ABHD2: variants seen among roughly 807,000 people sequenced by gnomAD.
The protein encoded by ABHD2 is abhydrolase domain containing 2, acylglycerol lipase.
ABHD2 carries 20 observed loss-of-function variants against 48.1 expected under a neutral mutation model. The ratio of observed to expected loss-of-function variants is 0.42; its 90% CI spans 0.29 to 0.60. ABHD2 has a LOEUF of 0.60. ABHD2 is among the 20% of genes least tolerant of loss of function. The pLI is 0.24. For synonymous variants in ABHD2, 209 were observed against 214.2 expected, an observed-to-expected ratio of 0.98 and a Z score of 0.21; for missense variants, 405 against 550.9, an observed-to-expected ratio of 0.74 and a Z score of 2.65.
intron 1 of ABHD2, among the ~76,000 whole-genome samples, chr15:89,110,349 C>T (rs2049854366): frequency 6.6e-6 from 1 of 152,176 alleles, no homozygotes; most frequent in South Asian, 2.1e-4. Context: ...GCGTGAGTCC[C>T]CTGCACCCGG....
intron 5 of ABHD2, among the ~76,000 whole-genome samples, chr15:89,157,927 G>A (rs2050700889): frequency 6.6e-6 from 1 of 152,072 alleles, no homozygotes; most frequent in Non-Finnish European, 1.5e-5. Flanking sequence ...GTATGTGGGA[G>A]ACAGAATTGG....
rs2049744424 is a variant in ABHD2, at chr15:89,104,088, G to A, written c.-106-9637G>A. Reference sequence around the variant, plus strand: ...TAAGTAAAGCATGCCTCAAAATGCTGTGCACACTATGTACTGTTGCCCCCA... The same window carrying A: ...TAAGTAAAGCATGCCTCAAAATGCTATGCACACTATGTACTGTTGCCCCCA... On this transcript the variant is annotated intron_variant, in intron 1 of 10. Transcript: ENST00000352732. This position sits in a 1 kb window ranked among gnomAD's most constrained non-coding sequence, Gnocchi z 4.4. The A allele has an allele frequency of 6.6e-6, 1 of 152,194 alleles. No individual in the cohort carries two copies. Among genetic ancestry groups the A allele is most frequent in the Non-Finnish European group, 1.5e-5 (1 of 68,056 alleles). The allele number at this position is 152,194 out of a possible 1,614,324, so 9.4% of individuals were successfully genotyped here.
At chr15:89,117,191 A>C (rs928801764) in intron 3 of ABHD2, among the ~76,000 whole-genome samples, 2 of 152,078 alleles carry the variant, frequency 1.3e-5, no homozygotes, top group African/African-American at 4.8e-5. Flanking sequence ...ATGCCCGGCT[A>C]ATTTTTGTAT....
At chr15:89,115,640 T>A (rs1396886474) in intron 2 of ABHD2, among the ~76,000 whole-genome samples, 1 of 152,226 alleles carries the variant, frequency 6.6e-6, no homozygotes, top group East Asian at 1.9e-4. Flanking sequence ...AGCCGAGCTC[T>A]ATTTCATTCC....
chr15:89,126,476 C>T (rs776271530), intron 3 of ABHD2, among the ~76,000 whole-genome samples: 3 of 152,168 alleles, frequency 2.0e-5, no homozygotes, highest in Non-Finnish European at 2.9e-5. Flanking sequence ...CTAAGGATAG[C>T]CAACTTTTAT....
chr15:89,124,027 A>G (rs1374428612), intron 3 of ABHD2, among the ~76,000 whole-genome samples: 1 of 152,168 alleles, frequency 6.6e-6, no homozygotes, highest in Non-Finnish European at 1.5e-5. Context: ...TTTTTCTTTT[A>G]TCTGCCCCAA....
chr15:89,143,971 G>C (rs947876244), intron 3 of ABHD2, among the ~76,000 whole-genome samples: 1 of 152,082 alleles, frequency 6.6e-6, no homozygotes, highest in African/African-American at 2.4e-5. Context: ...AAAAAGTTTG[G>C]AGTATCCCCA....
rs150854086 is a variant in ABHD2, at chr15:89,103,668, A to G, written c.-106-10057A>G. Reference sequence around the variant, plus strand: ...AATAACTCCAGATGGCACTGGAGACAAGTAGTGTAGAGACACAAATGGGAT... The same window carrying G: ...AATAACTCCAGATGGCACTGGAGACGAGTAGTGTAGAGACACAAATGGGAT... On this transcript the variant is annotated intron_variant, in intron 1 of 10. Transcript: ENST00000352732. 2.2e-4 allele frequency among the ~76,000 whole-genome samples: 33 copies of G among 152,342 alleles called. No individual in the cohort carries two copies. In the East Asian group the frequency reaches 4.6e-3, roughly 21 times the overall value.
chr15:89,140,970 C>T (rs2050392997), intron 3 of ABHD2, among the ~76,000 whole-genome samples: 1 of 128,842 alleles, frequency 7.8e-6, no homozygotes, highest in Non-Finnish European at 1.8e-5. Flanking sequence ...AGTTTAGTTT[C>T]ACTTTTTTTT....
At chr15:89,081,789 T>G in the ABHD2 span, among the ~76,000 whole-genome samples, 1 of 152,060 alleles carries the variant, frequency 6.6e-6, no homozygotes, top group Non-Finnish European at 1.5e-5. Context: ...AGATGGAGGT[T>G]GCAGTGAGCC....
the ABHD2 span, among the ~76,000 whole-genome samples, chr15:89,057,409 G>T: frequency 6.6e-6 from 1 of 152,158 alleles, no homozygotes; most frequent in Admixed American, 6.5e-5. Context: ...TGAAGATGAG[G>T]TAGGGCAGGG....
chr15:89,114,890 A>T lies in ABHD2; in HGVS notation c.-7+1066A>T, dbSNP rs796339606. On this transcript the variant is annotated intron_variant, in intron 2 of 10. Coordinates refer to ENST00000352732, the MANE Select transcript of ABHD2 (RefSeq NM_152924.5). The surrounding 1 kb of genome is among the most constrained non-coding windows in gnomAD (Gnocchi z 4.2). ...AAATTGTGTCAGTAAGTTTTTAAAA[A>T]TCCTTGTCTTGCCCTGATGGTGGAA... 3.9e-5 allele frequency among the ~76,000 whole-genome samples: 6 copies of T among 152,314 alleles called. No individual in the cohort carries two copies. Among genetic ancestry groups the T allele is most frequent in the African/African-American group, 1.2e-4 (5 of 41,560 alleles).
chr15:89,190,722 G>T (rs1483779226), intron 8 of ABHD2, among the ~76,000 whole-genome samples: 1 of 152,142 alleles, frequency 6.6e-6, no homozygotes, highest in Non-Finnish European at 1.5e-5. Flanking sequence ...ATTGAGGAAG[G>T]CCCTGTCTTC....
At chr15:89,057,036 C>G in the ABHD2 span, among the ~76,000 whole-genome samples, 1 of 151,382 alleles carries the variant, frequency 6.6e-6, no homozygotes, top group Non-Finnish European at 1.5e-5. Flanking sequence ...GCCTCAGCCT[C>G]CTGAGTAGCT....
chr15:89,155,305 T>G lies in ABHD2; in HGVS notation c.371-62T>G. On this transcript the variant is annotated intron_variant, in intron 4 of 10. Coordinates refer to ENST00000352732, the MANE Select transcript of ABHD2 (RefSeq NM_152924.5). This position sits in a 1 kb window ranked among gnomAD's most constrained non-coding sequence, Gnocchi z 4.9. ...TGTTTTCTAGACCAGTGAAGTGTAA[T>G]TATGTCCATTTATCATGTCACATTT... 3 of 1,536,482 alleles carry G rather than the reference T, an allele frequency of 2.0e-6. No individual in the cohort carries two copies. The highest frequency in any genetic ancestry group is 2.7e-6 in the Non-Finnish European group (3 of 1,119,754).
chr15:89,142,875 G>T (rs554226197), intron 3 of ABHD2, among the ~76,000 whole-genome samples: 1 of 152,294 alleles, frequency 6.6e-6, no homozygotes, highest in South Asian at 2.1e-4. Flanking sequence ...TTGAATGCAG[G>T]AGGGGTTGAA....
intron 1 of ABHD2, among the ~76,000 whole-genome samples, chr15:89,090,102 C>G (rs896805336): frequency 2.0e-5 from 3 of 152,080 alleles, no homozygotes; most frequent in African/African-American, 7.3e-5. Flanking sequence ...TTATTTCACT[C>G]CAAGCTTAGT....
At chr15:89,148,270 CAACA>C (rs2050531334) in intron 3 of ABHD2, among the ~76,000 whole-genome samples, 1 of 151,752 alleles carries the variant, frequency 6.6e-6, no homozygotes, top group African/African-American at 2.4e-5. Flanking sequence ...CAAAGGATAT[CAACA>C]GACAGTTCAC....
At chr15:89,191,827 C>T (rs2051311164) in intron 9 of ABHD2, among the ~76,000 whole-genome samples, 1 of 152,028 alleles carries the variant, frequency 6.6e-6, no homozygotes, top group Non-Finnish European at 1.5e-5. Flanking sequence ...TGGGGTTTCA[C>T]CATGTTGGTC....
Sources: gnomAD v4.1 joint callset for allele counts (sites outside exome capture counted in the v4.1 genomes callset) on GRCh38, gnomAD v4.1.1 for gene constraint, Gnocchi (gnomAD v3.1) non-coding constraint, MANE v1.5 for transcripts, NCBI Gene and HGNC (gene_info 2026-07-23, HGNC 2026-07-21) for gene names.